PAN3: variants seen among roughly 807,000 people sequenced by gnomAD.
The protein encoded by PAN3 is poly(A) specific ribonuclease subunit PAN3, also known as PAN2-PAN3 deadenylation complex subunit PAN3.
PAN3 carries 19 observed loss-of-function variants against 96.2 expected under a neutral mutation model. The ratio of observed to expected loss-of-function variants is 0.20; its 90% CI spans 0.14 to 0.29. The LOEUF (loss-of-function observed/expected upper bound fraction) is 0.29. PAN3 is among the 10% of genes least tolerant of loss of function. The pLI is 1.00. For synonymous variants in PAN3, 433 were observed against 406.6 expected, an observed-to-expected ratio of 1.06 and a Z score of -0.78; for missense variants, 882 against 1,108.1, an observed-to-expected ratio of 0.80 and a Z score of 2.90.
chr13:28,191,607 C>T (rs1877266299), intron 4 of PAN3, among the ~76,000 whole-genome samples: 1 of 152,214 alleles, frequency 6.6e-6, no homozygotes, highest in Non-Finnish European at 1.5e-5. Flanking sequence ...CTGCCAGAGT[C>T]CACTAATTTG....
intron 1 of PAN3, among the ~76,000 whole-genome samples, chr13:28,173,379 A>G (rs947220422): frequency 1.3e-5 from 2 of 152,246 alleles, no homozygotes; most frequent in African/African-American, 4.8e-5. Context: ...CTATTCAGCC[A>G]TATCCTGAAG....
rs780472370 is a variant in PAN3 at position 28,174,278 on chromosome 13, G to A, written c.437G>A (p.Gly146Glu). The stretch of plus-strand genomic sequence containing the variant: ...AATTTTCCTTCTCTTTCAGTTCCAG[G>A]AATGGATGGAGGTGCTTTAACTGAT... The part of the protein sequence containing the change: ...GLDGPRLAIP[G>E]MDGGALTDTS... Residue 146 changes from glycine to glutamate, a missense_variant, in exon 2 of 19, where the codon GGA becomes GAA. Physicochemically the swap from Gly to Glu is moderately conservative, Grantham distance 98. Around this residue, in one of 3 missense-constraint regions of PAN3, gnomAD observed 442 missense variants for 422.8 expected, o/e 1.05. Transcript: ENST00000380958. 2.5e-6 allele frequency: 4 copies of A among 1,610,586 alleles called. No individual in the cohort carries two copies. In the South Asian group the frequency reaches 4.4e-5, roughly 18 times the overall value.
chr13:28,278,746 C>A (rs897889347), intron 15 of PAN3, among the ~76,000 whole-genome samples: 1 of 151,892 alleles, frequency 6.6e-6, no homozygotes, highest in Non-Finnish European at 1.5e-5. Flanking sequence ...TTTAGAGTTA[C>A]AAAACTGAGC....
At chr13:28,245,457 C>T (rs935674141) in intron 6 of PAN3, among the ~76,000 whole-genome samples, 1 of 150,624 alleles carries the variant, frequency 6.6e-6, no homozygotes, top group Non-Finnish European at 1.5e-5. Context: ...TGATAGTCTT[C>T]TTGATCCCTT....
At chr13:28,247,658 C>T (rs188229906) in intron 6 of PAN3, among the ~76,000 whole-genome samples, 29 of 152,284 alleles carry the variant, frequency 1.9e-4, no homozygotes, top group African/African-American at 6.7e-4. Flanking sequence ...ATCCAGTTTC[C>T]CAAACACCAT....
At chr13:28,223,608 G>A (rs1360017882) in intron 6 of PAN3, among the ~76,000 whole-genome samples, 1 of 151,226 alleles carries the variant, frequency 6.6e-6, no homozygotes, top group Non-Finnish European at 1.5e-5. Flanking sequence ...TTGTTGCCCA[G>A]GCTGGAGTGC....
At position 28,293,390 on chromosome 13, in the gene PAN3, T is replaced by TTTTTTTG. The variant is rs1869994465; in HGVS notation, c.*874_*875insGTTTTTT. On this transcript the variant is annotated 3_prime_UTR_variant, in exon 19 of 19. Coordinates refer to ENST00000380958, the MANE Select transcript of PAN3 (RefSeq NM_175854.8). The stretch of plus-strand genomic sequence containing the variant: ...TTAGGTTCTTTCCAGTTTGCTGGTT[T>TTTTTTTG]TTTTTTTTTTTTTTTTTTTTTTTTT... 30 of 18,356 alleles carry TTTTTTTG rather than the reference T, an allele frequency of 1.6e-3. 1 individual carries two copies. The highest frequency in any genetic ancestry group is 2.9e-3 in the African/African-American group (29 of 10,012). The allele number at this position is 18,356 out of a possible 1,614,324, so 1.1% of individuals were successfully genotyped here. A position where few individuals can be genotyped will look rare whatever the true frequency, so the allele number is the denominator to read the frequency against.
chr13:28,256,256 T>G, intron 6 of PAN3, 36 bp from the exon 7 acceptor site: 2 of 1,586,548 alleles, frequency 1.3e-6, no homozygotes, highest in Non-Finnish European at 1.7e-6. Flanking sequence ...AAACCAATTA[T>G]TGCTCCATTA....
chr13:28,227,311 C>T (rs965017690), intron 6 of PAN3, among the ~76,000 whole-genome samples: 2 of 152,134 alleles, frequency 1.3e-5, no homozygotes, highest in African/African-American at 4.8e-5. Flanking sequence ...GTTAATGGGT[C>T]CTCATAGGTA....
chr13:28,233,180 AAATT>A (rs1566210705), intron 6 of PAN3, among the ~76,000 whole-genome samples: 1 of 152,114 alleles, frequency 6.6e-6, no homozygotes, highest in Non-Finnish European at 1.5e-5. Flanking sequence ...AAGTGGAAAA[AAATT>A]ATGTTAAAAA....
chr13:28,158,827 G>A (rs1481937276), intron 1 of PAN3, among the ~76,000 whole-genome samples: 1 of 151,138 alleles, frequency 6.6e-6, no homozygotes, highest in Non-Finnish European at 1.5e-5. Context: ...ACAGTGAGTG[G>A]ATATCGCGCC....
At chr13:28,287,193 C>A (rs1201616742) in intron 17 of PAN3, among the ~76,000 whole-genome samples, 1 of 152,216 alleles carries the variant, frequency 6.6e-6, no homozygotes, top group Non-Finnish European at 1.5e-5. Context: ...CTCTGGAAAA[C>A]CTTCCTTAAT....
intron 6 of PAN3, among the ~76,000 whole-genome samples, chr13:28,242,188 T>A (rs79200738): frequency 2.0e-5 from 3 of 152,198 alleles, no homozygotes; most frequent in Non-Finnish European, 4.4e-5. Context: ...TAGTATTGAC[T>A]GACATATGTG....
chr13:28,213,469 A>G (rs1880303572), intron 5 of PAN3, among the ~76,000 whole-genome samples: 1 of 152,168 alleles, frequency 6.6e-6, no homozygotes, highest in African/African-American at 2.4e-5. Flanking sequence ...CTAGAATTCC[A>G]TACTTGGAAA....
At chr13:28,269,563 T>G (rs575585471) in intron 12 of PAN3, among the ~76,000 whole-genome samples, 5 of 152,222 alleles carry the variant, frequency 3.3e-5, no homozygotes, top group African/African-American at 9.6e-5. Context: ...TGAGTCTATA[T>G]CAGTAAAACA....
intron 4 of PAN3, among the ~76,000 whole-genome samples, chr13:28,186,548 AGTTT>A (rs35023639): frequency 0.22 from 33,250 of 152,066 alleles, 3,748 homozygotes; most frequent in East Asian, 0.33. Context: ...GCAATTTAAA[AGTTT>A]GTTTATCTAA....
intron 1 of PAN3, among the ~76,000 whole-genome samples, chr13:28,163,093 T>G (rs540554812): frequency 2.0e-4 from 30 of 151,840 alleles, no homozygotes; most frequent in Non-Finnish European, 4.1e-4. Flanking sequence ...ACCCAGGCTG[T>G]AGTGCAGTGG....
At chr13:28,245,891 A>G in intron 6 of PAN3, among the ~76,000 whole-genome samples, 1 of 152,082 alleles carries the variant, frequency 6.6e-6, no homozygotes. Flanking sequence ...TTATGTGGAT[A>G]TATCATATTT....
At chr13:28,276,501 G>C (rs761162229) in intron 14 of PAN3, among the ~76,000 whole-genome samples, 6 of 152,148 alleles carry the variant, frequency 3.9e-5, no homozygotes, top group Non-Finnish European at 8.8e-5. Flanking sequence ...TCAGCCAGCT[G>C]TCTTTTGAAA....
Sources: gnomAD v4.1 joint callset for allele counts (sites outside exome capture counted in the v4.1 genomes callset) on GRCh38, gnomAD v4.1.1 for gene constraint, gnomAD v4.1.1 regional missense constraint, MANE v1.5 for transcripts, NCBI Gene and HGNC (gene_info 2026-07-23, HGNC 2026-07-21) for gene names.